KANK1: variants seen among roughly 807,000 people sequenced by gnomAD.
The protein encoded by KANK1 is KN motif and ankyrin repeat domains 1, also known as KN motif and ankyrin repeat domain-containing protein 1.
KANK1 carries 109 observed loss-of-function variants against 106.2 expected under a neutral mutation model. The observed-to-expected ratio is 1.03, with a 90% confidence interval of 0.88 to 1.20. The LOEUF is 1.20. Ranked by LOEUF, KANK1 falls within the 50% of genes most tolerant of loss-of-function variation. The pLI, the probability that KANK1 is intolerant of heterozygous loss-of-function variation, is 0.00. For synonymous variants in KANK1, 873 were observed against 652.2 expected, an observed-to-expected ratio of 1.34 and a Z score of -5.16; for missense variants, 2,399 against 1,710.7, an observed-to-expected ratio of 1.40 and a Z score of -7.10.
chr9:497,577 A>AT (rs1246743847), intron 3 of KANK1, among the ~76,000 whole-genome samples: 1 of 152,164 alleles, frequency 6.6e-6, no homozygotes, highest in Non-Finnish European at 1.5e-5. Flanking sequence ...GTATATAACC[A>AT]TTTTTTTAAA....
At chr9:524,679 G>A (rs1307829074) in intron 1 of KANK1, among the ~76,000 whole-genome samples, 1 of 151,482 alleles carries the variant, frequency 6.6e-6, no homozygotes, top group Middle Eastern at 3.4e-3. Context: ...TACGACACCC[G>A]GCTAATTTTT....
intron 2 of KANK1, among the ~76,000 whole-genome samples, chr9:683,614 A>T (rs1453441710): frequency 6.6e-6 from 1 of 152,228 alleles, no homozygotes; most frequent in Admixed American, 6.5e-5. Flanking sequence ...GATTAAACAG[A>T]TCAAGTGAAA....
At position 731,286 on chromosome 9, in the gene KANK1, C is replaced by G. The variant is rs1257872652; in HGVS notation, c.3005+20C>G. 4 of 1,434,544 alleles carry G rather than the reference C, an allele frequency of 2.8e-6. No homozygotes were observed. The highest frequency in any genetic ancestry group is 3.9e-6 in the Non-Finnish European group (4 of 1,019,728). The allele number at this position is 1,434,544 out of a possible 1,614,324, so 88.9% of individuals were successfully genotyped here. On this transcript the variant is annotated intron_variant, in intron 5 of 11. Coordinates refer to ENST00000382297, the MANE Select transcript of KANK1 (RefSeq NM_015158.5). ...TGGAGGGTAAGGAAAGATGGTGGTT[C>G]TAGAGGCTAATGCTGTCAGTCTCCT...
intron 1 of KANK1, among the ~76,000 whole-genome samples, chr9:536,618 C>T (rs966889016): frequency 6.6e-6 from 1 of 152,210 alleles, no homozygotes; most frequent in Non-Finnish European, 1.5e-5. Context: ...TCCCATCTTT[C>T]TGTCTCTGAC....
chr9:712,019 G>C lies in KANK1; in HGVS notation c.1253G>C (p.Gly418Ala). 6.2e-7 allele frequency: 1 copy of C among 1,614,160 alleles called. No individual in the cohort carries two copies. Among genetic ancestry groups the C allele is most frequent in the Admixed American group, 1.7e-5 (1 of 60,002 alleles). ...NMNDIVVYHR[G>A]SRSCKDAAVG... ...AACGACATCGTCGTGTACCACAGAGGCTCCAGGTCCTGTAAGGATGCAGCT... is the reference window on the plus strand; with the variant it reads ...AACGACATCGTCGTGTACCACAGAGCCTCCAGGTCCTGTAAGGATGCAGCT... Residue 418 changes from glycine (G) to alanine (A), a missense_variant, in exon 3 of 12, where the codon GGC becomes GCC. Coordinates refer to ENST00000382297, the MANE Select transcript of KANK1 (RefSeq NM_015158.5).
chr9:729,174 CAT>C lies in KANK1; in HGVS notation c.2699-873_2699-872del, dbSNP rs200151216. Among the ~76,000 whole-genome samples the C allele has an allele frequency of 6.2e-3, 952 of 152,328 alleles. 4 individuals are homozygous for C. The highest frequency in any genetic ancestry group is 0.01 in the Middle Eastern group (3 of 294). On this transcript the variant is annotated intron_variant, in intron 3 of 11. Transcript: ENST00000382297. ...CAGTATACAGATTTTAAGTGGCTAACATATACAAAAGCACTCTAGTAGATTTG... is the reference window on the plus strand; with the variant it reads ...CAGTATACAGATTTTAAGTGGCTAACATACAAAAGCACTCTAGTAGATTTG...
chr9:696,229 A>G (rs1821264014), intron 2 of KANK1, among the ~76,000 whole-genome samples: 1 of 151,440 alleles, frequency 6.6e-6, no homozygotes, highest in Non-Finnish European at 1.5e-5. Context: ...GTTTGCAGGG[A>G]GCCGAGATCA....
rs779301818 is a variant in KANK1 at position 711,965 on chromosome 9, C to T, written c.1199C>T (p.Ser400Phe). The change falls in exon 3 of 12, where the codon TCT becomes TTT. Residue 400 changes from serine to phenylalanine, a missense_variant. Transcript: ENST00000382297. ...CTCAGGGAGAATGGAGAGTGCCGGT[C>T]TGTGGCTGTGGGTGCCGAGGAGAAC... ...SELRENGECR[S>F]VAVGAEENMN... The T allele has an allele frequency of 2.5e-6, 4 of 1,614,052 alleles. No homozygotes were observed. The highest frequency in any genetic ancestry group is 2.7e-5 in the African/African-American group (2 of 74,926).
intron 1 of KANK1, among the ~76,000 whole-genome samples, chr9:514,097 TTA>T (rs2059152659): frequency 6.8e-6 from 1 of 147,190 alleles, no homozygotes. Flanking sequence ...CCTCCTTCTC[TTA>T]CTCCCTCCCT....
At chr9:578,978 T>A (rs933740960) in intron 1 of KANK1, among the ~76,000 whole-genome samples, 13 of 152,208 alleles carry the variant, frequency 8.5e-5, no homozygotes, top group African/African-American at 2.9e-4. Context: ...TTAATAAATG[T>A]CTGCAGCTGA....
At chr9:632,067 C>G (rs903814886) in intron 1 of KANK1, among the ~76,000 whole-genome samples, 1 of 152,290 alleles carries the variant, frequency 6.6e-6, no homozygotes, top group Admixed American at 6.5e-5. Context: ...TTGTGTCTAG[C>G]CTTTAACAGT....
chr9:528,205 A>C (rs1386986028), intron 1 of KANK1, among the ~76,000 whole-genome samples: 3 of 151,164 alleles, frequency 2.0e-5, no homozygotes, highest in Non-Finnish European at 4.4e-5. Context: ...GTCTTTTTGC[A>C]TTCATTTTTC....
chr9:652,705 A>G (rs1841181052), intron 1 of KANK1, among the ~76,000 whole-genome samples: 1 of 152,248 alleles, frequency 6.6e-6, no homozygotes, highest in South Asian at 2.1e-4. Flanking sequence ...ATTTGGGAAG[A>G]ATGTATAGGT....
At chr9:692,198 C>T (rs1005509913) in intron 2 of KANK1, among the ~76,000 whole-genome samples, 1 of 152,154 alleles carries the variant, frequency 6.6e-6, no homozygotes, top group Non-Finnish European at 1.5e-5. Context: ...CTGCCTTATT[C>T]CATTTACTTT....
chr9:725,681 C>T (rs766784017), intron 3 of KANK1, among the ~76,000 whole-genome samples: 19 of 152,094 alleles, frequency 1.2e-4, no homozygotes, highest in Non-Finnish European at 2.5e-4. Context: ...CCCAGAACTG[C>T]AGAATGATCT....
chr9:644,668 C>T (rs1839257602), intron 1 of KANK1, among the ~76,000 whole-genome samples: 1 of 150,866 alleles, frequency 6.6e-6, no homozygotes, highest in Non-Finnish European at 1.5e-5. Flanking sequence ...ACTCTGCCCC[C>T]ATGATCCAAT....
intron 2 of KANK1, among the ~76,000 whole-genome samples, chr9:684,883 A>G (rs762287156): frequency 9.3e-5 from 14 of 150,750 alleles, no homozygotes; most frequent in Admixed American, 3.3e-4. Flanking sequence ...CAGAAACGAT[A>G]AGTTCTTGCT....
intron 1 of KANK1, among the ~76,000 whole-genome samples, chr9:616,881 A>G (rs911768523): frequency 1.3e-5 from 2 of 152,172 alleles, no homozygotes; most frequent in Admixed American, 6.5e-5. Context: ...GAGACATGGT[A>G]TTTCTGCTAC....
intron 2 of KANK1, among the ~76,000 whole-genome samples, chr9:693,180 G>T (rs1197778499): frequency 6.6e-6 from 1 of 152,128 alleles, no homozygotes; most frequent in African/African-American, 2.4e-5. Context: ...TACGAATGGT[G>T]ATTGTTTTTA....
Sources: gnomAD v4.1 joint callset for allele counts (sites outside exome capture counted in the v4.1 genomes callset) on GRCh38, gnomAD v4.1.1 for gene constraint, MANE v1.5 for transcripts, NCBI Gene and HGNC (gene_info 2026-07-23, HGNC 2026-07-21) for gene names.